CLSTN1: variants seen among roughly 807,000 people sequenced by gnomAD.
CLSTN1 encodes calsyntenin 1.
In CLSTN1, 28 loss-of-function variants were observed where a neutral mutation model predicts 108.3. The ratio of observed to expected loss-of-function variants is 0.26; its 90% confidence interval spans 0.19 to 0.35. The LOEUF (loss-of-function observed/expected upper bound fraction) is 0.35, where lower values mean the gene tolerates loss of function less well. CLSTN1 is among the 10% of genes least tolerant of loss of function. The pLI is 1.00. For synonymous variants in CLSTN1, 524 were observed against 534.9 expected, an observed-to-expected ratio of 0.98 and a Z score of 0.28; for missense variants, 1,157 against 1,302.6, an observed-to-expected ratio of 0.89 and a Z score of 1.72.
chr1:9,753,696 G>C (rs1238148360), intron 4 of CLSTN1, among the ~76,000 whole-genome samples: 1 of 151,950 alleles, frequency 6.6e-6, no homozygotes. Context: ...TCTCCATGTT[G>C]GCCAGGCTGG....
At chr1:9,786,648 C>CAAAAAAAAAAAA (rs36003203) in intron 1 of CLSTN1, among the ~76,000 whole-genome samples, 1 of 37,094 alleles carries the variant, frequency 2.7e-5, no homozygotes, top group Non-Finnish European at 6.1e-5. Context: ...GACTCCGTCT[C>CAAAAAAAAAAAA]AAAAAAAAAA....
chr1:9,822,664 C>T (rs969272548), intron 1 of CLSTN1, among the ~76,000 whole-genome samples: 4 of 152,146 alleles, frequency 2.6e-5, no homozygotes, highest in African/African-American at 9.7e-5. Context: ...GAAGCAAATA[C>T]TGTATCTGCA....
rs115364041 is a variant in CLSTN1, at chr1:9,743,016, T to C, written c.1356+868A>G. Reference sequence around the variant, plus strand: ...TTCTCTTTTACTTTTATCTATCCTATGATTATTTTTAGACACTATTATATT... The same window carrying C: ...TTCTCTTTTACTTTTATCTATCCTACGATTATTTTTAGACACTATTATATT... On this transcript the variant is annotated intron_variant, in intron 9 of 18. Transcript: ENST00000377298. Among the ~76,000 whole-genome samples, 317 of 152,348 alleles carry C rather than the reference T, an allele frequency of 2.1e-3. 1 individual carries two copies. Among genetic ancestry groups the C allele is most frequent in the African/African-American group, 6.4e-3 (267 of 41,586 alleles).
At chr1:9,740,988 A>AC in intron 10 of CLSTN1, 106 bp downstream of exon 10, 1 of 1,237,322 alleles carries the variant, frequency 8.1e-7, no homozygotes, top group East Asian at 2.4e-5. Flanking sequence ...AAGATCCAGG[A>AC]CACGAGGGTA....
rs1650955196 is a variant in CLSTN1 at position 9,740,994 on chromosome 1, G to T, written c.1519+100C>A. 13 of 1,307,110 alleles carry T rather than the reference G, an allele frequency of 9.9e-6. 1 individual carries two copies. The South Asian group carries it at 1.6e-4, about 16-fold the overall frequency. The allele number at this position is 1,307,110 out of a possible 1,614,324, so 81.0% of individuals were successfully genotyped here. On this transcript the variant is annotated intron_variant, in intron 10 of 18. Coordinates refer to ENST00000377298, the MANE Select transcript of CLSTN1 (RefSeq NM_001009566.3). ...TGGAAGGAAAAGATCCAGGACACGAGGGTAAGGCTGTAGGATACCGATCAC... is the reference window on the plus strand; with the variant it reads ...TGGAAGGAAAAGATCCAGGACACGATGGTAAGGCTGTAGGATACCGATCAC...
chr1:9,792,941 C>G (rs776297924), intron 1 of CLSTN1, among the ~76,000 whole-genome samples: 1 of 151,418 alleles, frequency 6.6e-6, no homozygotes, highest in Non-Finnish European at 1.5e-5. Flanking sequence ...GACAGCCTCT[C>G]TCTCATTCCA....
intron 1 of CLSTN1, among the ~76,000 whole-genome samples, chr1:9,796,227 A>G (rs920455266): frequency 1.4e-5 from 2 of 146,476 alleles, no homozygotes; most frequent in Non-Finnish European, 3.0e-5. Flanking sequence ...ATGCCACCGC[A>G]CTCCAGCCTG....
intron 1 of CLSTN1, among the ~76,000 whole-genome samples, chr1:9,800,677 C>A: frequency 6.6e-6 from 1 of 150,550 alleles, no homozygotes; most frequent in South Asian, 2.1e-4. Flanking sequence ...TTGCAGTGAG[C>A]CATGATCGTG....
intron 1 of CLSTN1, among the ~76,000 whole-genome samples, chr1:9,788,617 C>CA (rs1419927130): frequency 1.3e-5 from 2 of 150,018 alleles, no homozygotes; most frequent in African/African-American, 4.9e-5. Flanking sequence ...CCTGTAATCC[C>CA]AGCACTTTGG....
In CLSTN1 at chr1:9,749,654, GGTCCACAA is replaced by G. The variant is rs766192334; in HGVS notation, c.800-16_800-9del. Reference sequence around the variant, plus strand: ...CAATCCTGTTGTTCCATCCTGTGTTGGTCCACAAGTCAGCAGGGGAAGAGAGAAGGAAA... The same window carrying G: ...CAATCCTGTTGTTCCATCCTGTGTTGGTCAGCAGGGGAAGAGAGAAGGAAA... On this transcript the variant is annotated splice_polypyrimidine_tract_variant and intron_variant, in intron 6 of 18. Coordinates refer to ENST00000377298, the MANE Select transcript of CLSTN1 (RefSeq NM_001009566.3). 6.2e-6 allele frequency: 10 copies of G among 1,612,846 alleles called. No homozygotes were observed. The East Asian group carries it at 2.2e-4, about 36-fold the overall frequency.
chr1:9,787,069 G>A (rs1653530828), intron 1 of CLSTN1, among the ~76,000 whole-genome samples: 1 of 151,190 alleles, frequency 6.6e-6, no homozygotes, highest in Non-Finnish European at 1.5e-5. Flanking sequence ...GAAGGGGAAG[G>A]GGCTGGGCTG....
chr1:9,742,834 G>A (rs1012196247), intron 9 of CLSTN1, among the ~76,000 whole-genome samples: 77 of 151,700 alleles, frequency 5.1e-4, no homozygotes, highest in African/African-American at 1.6e-3. Flanking sequence ...CTTGAACCCG[G>A]GAGGTGGAGG....
intron 1 of CLSTN1, among the ~76,000 whole-genome samples, chr1:9,779,417 A>G (rs965003235): frequency 6.6e-6 from 1 of 151,808 alleles, no homozygotes; most frequent in Non-Finnish European, 1.5e-5. Context: ...TACCAAAAAT[A>G]CAAAAATTAG....
chr1:9,809,445 A>G (rs907804538), intron 1 of CLSTN1, among the ~76,000 whole-genome samples: 1 of 151,592 alleles, frequency 6.6e-6, no homozygotes, highest in South Asian at 2.1e-4. Context: ...TCACCACCCC[A>G]CCTGCCTCTC....
At chr1:9,770,439 C>G (rs1480166827) in intron 2 of CLSTN1, among the ~76,000 whole-genome samples, 1 of 152,186 alleles carries the variant, frequency 6.6e-6, no homozygotes, top group Non-Finnish European at 1.5e-5. Context: ...TTCCTACTTC[C>G]TTGTGAACTT....
chr1:9,776,431 G>A (rs1433602004), intron 1 of CLSTN1, among the ~76,000 whole-genome samples: 1 of 152,104 alleles, frequency 6.6e-6, no homozygotes, highest in African/African-American at 2.4e-5. Flanking sequence ...AAGGAATTTG[G>A]AGGTTGGTTG....
intron 1 of CLSTN1, among the ~76,000 whole-genome samples, chr1:9,777,741 C>T (rs1312847264): frequency 6.6e-6 from 1 of 152,118 alleles, no homozygotes; most frequent in African/African-American, 2.4e-5. Context: ...ACCCCCGCTC[C>T]CCCTGCACTC....
At chr1:9,736,812 G>A (rs936786373) in intron 11 of CLSTN1, among the ~76,000 whole-genome samples, 2 of 152,160 alleles carry the variant, frequency 1.3e-5, no homozygotes, top group African/African-American at 4.8e-5. Flanking sequence ...GGTGGCTCAC[G>A]CCTGTAATCC....
At chr1:9,763,158 C>T (rs1421608259) in intron 2 of CLSTN1, among the ~76,000 whole-genome samples, 1 of 152,054 alleles carries the variant, frequency 6.6e-6, no homozygotes, top group Non-Finnish European at 1.5e-5. Flanking sequence ...GACAGGGTTT[C>T]ACCATGTTGG....
Sources: allele counts gnomAD v4.1 joint callset (sites outside exome capture counted in the v4.1 genomes callset), GRCh38; gene constraint gnomAD v4.1.1; transcripts MANE v1.5; gene names NCBI Gene and HGNC (gene_info 2026-07-23, HGNC 2026-07-21).